NANOS3: variants seen among roughly 807,000 people sequenced by gnomAD.
NANOS3 encodes nanos C2HC-type zinc finger 3, also known as nanos homolog 3.
In NANOS3, 11 loss-of-function variants were observed where a neutral mutation model predicts 13.8. That is an observed-to-expected ratio of 0.80 (90% CI 0.50 to 1.32). The LOEUF (loss-of-function observed/expected upper bound fraction) is 1.32, where lower values mean the gene tolerates loss of function less well. NANOS3 is among the 40% of genes most tolerant of loss of function. NANOS3 has a pLI of 0.00. For missense variants in NANOS3, 221 were observed against 263.8 expected (o/e 0.84, Z 1.12); for synonymous variants, 119 against 115.4 (o/e 1.03, Z -0.20).
chr19:13,876,184 G>C (rs1968505945), upstream of NANOS3, among the ~76,000 whole-genome samples: 1 of 152,198 alleles, frequency 6.6e-6, no homozygotes, highest in Admixed American at 6.5e-5. Flanking sequence ...TGTTTCCCAG[G>C]CTGGAGTGCA....
upstream of NANOS3, among the ~76,000 whole-genome samples, chr19:13,865,028 C>A (rs1976210785): frequency 6.6e-6 from 1 of 151,962 alleles, no homozygotes; most frequent in Admixed American, 6.5e-5. Context: ...CCCGCCCGCG[C>A]CCCCGTGTCC....
chr19:13,863,638 T>G (rs1268974929), upstream of NANOS3, among the ~76,000 whole-genome samples: 4 of 152,068 alleles, frequency 2.6e-5, no homozygotes, highest in South Asian at 4.1e-4. Flanking sequence ...TAGATTGCAA[T>G]GAACTCCCAT....
upstream of NANOS3, among the ~76,000 whole-genome samples, chr19:13,872,646 C>T (rs1263297110): frequency 6.6e-6 from 1 of 152,236 alleles, no homozygotes; most frequent in African/African-American, 2.4e-5. Context: ...CGTTCTCCTC[C>T]TTAGAATGAT....
chr19:13,865,472 G>T (rs1453930073), intron 1 of NANOS3: 1 of 143,198 alleles, frequency 7.0e-6, no homozygotes, highest in Non-Finnish European at 1.5e-5. Context: ...GGGGGCACGG[G>T]CGGGGCGGGG....
intron 1 of NANOS3, among the ~76,000 whole-genome samples, chr19:13,879,583 C>T (rs954378108): frequency 6.6e-6 from 1 of 152,078 alleles, no homozygotes; most frequent in African/African-American, 2.4e-5. Context: ...AAAAAATTAG[C>T]TGGGCATGGT....
chr19:13,877,967 G>GGCGC (rs1968553724), intron 1 of NANOS3, among the ~76,000 whole-genome samples: 1 of 152,150 alleles, frequency 6.6e-6, no homozygotes, highest in Non-Finnish European at 1.5e-5. Flanking sequence ...GGAGTGCAGT[G>GGCGC]GCGCCATCTC....
intron 1 of NANOS3, among the ~76,000 whole-genome samples, chr19:13,869,389 C>T (rs1457492938): frequency 6.6e-6 from 1 of 152,088 alleles, no homozygotes; most frequent in Non-Finnish European, 1.5e-5. Flanking sequence ...CTCGCCTTCC[C>T]CAGCCCTGGC....
chr19:13,878,923 T>TTTTC (rs906847694), intron 1 of NANOS3, among the ~76,000 whole-genome samples: 5 of 148,878 alleles, frequency 3.4e-5, no homozygotes, highest in African/African-American at 5.0e-5. Flanking sequence ...CCCAGTGAGG[T>TTTTC]TTTCTTTCTT....
Position 13,877,710 on chromosome 19 carries a change from T to C in NANOS3, c.462T>C (p.Pro154=). 6.2e-7 allele frequency: 1 copy of C among 1,604,686 alleles called. No homozygotes were observed. Among genetic ancestry groups the C allele is most frequent in the Non-Finnish European group, 8.5e-7 (1 of 1,176,746 alleles). Reference sequence around the variant, plus strand: ...CGGCAGGCAAGAAGCTGGTCCGGCCTGACAAGGCGAAGACACAGGACACAG... The same window carrying C: ...CGGCAGGCAAGAAGCTGGTCCGGCCCGACAAGGCGAAGACACAGGACACAG... The part of the protein sequence containing the change: ...RNSAGKKLVR[P]DKAKTQDTGH... Residue 154 remains proline, a synonymous_variant, in exon 1 of 2, where the codon CCT becomes CCC. Coordinates refer to ENST00000339133, the MANE Select transcript of NANOS3 (RefSeq NM_001098622.3).
intron 1 of NANOS3, among the ~76,000 whole-genome samples, chr19:13,869,792 G>A (rs576133260): frequency 3.0e-4 from 44 of 147,672 alleles, no homozygotes; most frequent in East Asian, 2.8e-3. Flanking sequence ...ACACACACAC[G>A]CACACACATA....
intron 1 of NANOS3, among the ~76,000 whole-genome samples, chr19:13,867,285 C>G (rs1976256605): frequency 6.6e-6 from 1 of 152,104 alleles, no homozygotes; most frequent in Non-Finnish European, 1.5e-5. Context: ...CACTCTGCTG[C>G]CTAGGCTGGA....
intron 1 of NANOS3, among the ~76,000 whole-genome samples, chr19:13,871,309 G>A (rs1028145213): frequency 2.6e-5 from 4 of 152,152 alleles, no homozygotes; most frequent in African/African-American, 9.7e-5. Context: ...ATGGAGAACA[G>A]ATGTGTGAGG....
intron 1 of NANOS3, among the ~76,000 whole-genome samples, chr19:13,866,332 C>T (rs1355713904): frequency 6.6e-6 from 1 of 151,798 alleles, no homozygotes; most frequent in Admixed American, 6.6e-5. Flanking sequence ...CCCACGGTCC[C>T]ACACTTCGGT....
chr19:13,863,637 A>G (rs576386073), upstream of NANOS3, among the ~76,000 whole-genome samples: 2 of 152,162 alleles, frequency 1.3e-5, no homozygotes, highest in Non-Finnish European at 2.9e-5. Flanking sequence ...CTAGATTGCA[A>G]TGAACTCCCA....
At chr19:13,879,647 G>C (rs779313185) in intron 1 of NANOS3, among the ~76,000 whole-genome samples, 1 of 152,024 alleles carries the variant, frequency 6.6e-6, no homozygotes, top group Non-Finnish European at 1.5e-5. Context: ...AGGATCGCTT[G>C]GGTCCAGGGG....
chr19:13,875,390 T>C (rs1968490055), upstream of NANOS3, among the ~76,000 whole-genome samples: 1 of 151,948 alleles, frequency 6.6e-6, no homozygotes, highest in Admixed American at 6.6e-5. Context: ...TTTCACTGTG[T>C]TGGCCAGGCT....
Position 13,877,396 on chromosome 19 carries a change from C to T in NANOS3, c.148C>T (p.Pro50Ser), listed in dbSNP as rs201679844. 6.2e-7 allele frequency: 1 copy of T among 1,602,164 alleles called. No individual in the cohort carries two copies. The highest frequency in any genetic ancestry group is 8.5e-7 in the Non-Finnish European group (1 of 1,178,144). Residue 50 changes from proline to serine, a missense_variant, in exon 1 of 2, where the codon CCA (proline) becomes TCA (serine). Coordinates refer to ENST00000339133, the MANE Select transcript of NANOS3 (RefSeq NM_001098622.3). ...GCCGGTGTCAGCCCTGGAGCCGATG[C>T]CAGCGCCGGAGTCGGTGCCAGTGCC... Reference protein sequence around the residue: ...LEPVSALEPMPAPESVPVPGP... With the variant: ...LEPVSALEPMSAPESVPVPGP...
At chr19:13,865,158 C>A (rs1485783115), upstream of NANOS3, among the ~76,000 whole-genome samples, 1 of 151,370 alleles carries the variant, frequency 6.6e-6, no homozygotes, top group African/African-American at 2.4e-5. Context: ...CTGGACCCAC[C>A]GCCCGGCGCG....
upstream of NANOS3, among the ~76,000 whole-genome samples, chr19:13,863,484 C>G (rs1568360512): frequency 6.6e-6 from 1 of 152,182 alleles, no homozygotes; most frequent in Non-Finnish European, 1.5e-5. Flanking sequence ...TCCCAAAGTG[C>G]TGGGATTACA....
Sources: allele counts gnomAD v4.1 joint callset (sites outside exome capture counted in the v4.1 genomes callset), GRCh38; gene constraint gnomAD v4.1.1; transcripts MANE v1.5; gene names NCBI Gene and HGNC (gene_info 2026-07-23, HGNC 2026-07-21).